STK32B: variants seen among roughly 807,000 people sequenced by gnomAD.
The protein encoded by STK32B is serine/threonine kinase 32B.
Under a neutral mutation model 52.6 loss-of-function variants are expected in STK32B, and 43 were observed. That is an observed-to-expected ratio of 0.82 (90% CI 0.64 to 1.05). STK32B has a LOEUF of 1.05. STK32B is among the 50% of genes least tolerant of loss of function. The pLI, the probability that STK32B is intolerant of heterozygous loss-of-function variation, is 0.00. For missense variants in STK32B, 621 were observed against 534.6 expected (o/e 1.16, Z -1.59); for synonymous variants, 238 against 204.3 (o/e 1.17, Z -1.41).
chr4:5,281,337 A>C (rs978295125), intron 3 of STK32B, among the ~76,000 whole-genome samples: 8 of 152,182 alleles, frequency 5.3e-5, no homozygotes, highest in African/African-American at 1.7e-4. Context: ...AAACTAACAC[A>C]GGAGCAGAAA....
At chr4:5,450,177 T>C (rs2109129250) in intron 7 of STK32B, among the ~76,000 whole-genome samples, 1 of 152,298 alleles carries the variant, frequency 6.6e-6, no homozygotes. Flanking sequence ...ACTAGAATCT[T>C]AGTTCTTACC....
At chr4:5,347,873 C>T (rs1733570361) in intron 4 of STK32B, among the ~76,000 whole-genome samples, 3 of 152,136 alleles carry the variant, frequency 2.0e-5, no homozygotes, top group Non-Finnish European at 2.9e-5. Context: ...CTAAGTCCTC[C>T]CCAGCCATGC....
intron 1 of STK32B, among the ~76,000 whole-genome samples, chr4:5,132,909 C>T (rs556181350): frequency 3.3e-5 from 5 of 151,788 alleles, no homozygotes; most frequent in Middle Eastern, 3.4e-3. Flanking sequence ...GGTGATTCTT[C>T]TGCCTCAGCC....
intron 11 of STK32B, among the ~76,000 whole-genome samples, chr4:5,486,758 T>C (rs1719253963): frequency 1.3e-5 from 2 of 152,222 alleles, no homozygotes; most frequent in South Asian, 2.1e-4. Flanking sequence ...CCCCCTAAAA[T>C]GTTTTATTTG....
At chr4:5,426,432 T>C (rs1713096562) in intron 6 of STK32B, among the ~76,000 whole-genome samples, 1 of 152,100 alleles carries the variant, frequency 6.6e-6, no homozygotes, top group African/African-American at 2.4e-5. Context: ...TGGCCGGGTG[T>C]GGTGGCTCAT....
chr4:5,131,766 T>C (rs1481782205), intron 1 of STK32B, among the ~76,000 whole-genome samples: 2 of 152,232 alleles, frequency 1.3e-5, no homozygotes, highest in African/African-American at 4.8e-5. Context: ...TTATCCTCTT[T>C]TTAGAAAGGC....
chr4:5,048,853 G>A (rs1169866676), upstream of STK32B, among the ~76,000 whole-genome samples: 1 of 152,242 alleles, frequency 6.6e-6, no homozygotes, highest in East Asian at 1.9e-4. Flanking sequence ...TTGCTGTGAG[G>A]ATGAGAAAAT....
chr4:5,049,336 A>G (rs1474036749), upstream of STK32B, among the ~76,000 whole-genome samples: 1 of 152,108 alleles, frequency 6.6e-6, no homozygotes, highest in Non-Finnish European at 1.5e-5. Context: ...AGCCGGGATT[A>G]CAGGTGGGTG....
chr4:5,136,709 C>A (rs1416865940), intron 1 of STK32B, among the ~76,000 whole-genome samples: 4 of 152,208 alleles, frequency 2.6e-5, no homozygotes, highest in Non-Finnish European at 5.9e-5. Flanking sequence ...TTCTAGGACC[C>A]ATTATTGGCT....
chr4:5,032,793 C>A, the STK32B span, among the ~76,000 whole-genome samples: 154 of 152,246 alleles, frequency 1.0e-3, no homozygotes, highest in African/African-American at 3.5e-3. Context: ...ACTAACTCCC[C>A]ACTCCTCGCT....
At chr4:5,365,864 A>G (rs1734841531) in intron 4 of STK32B, among the ~76,000 whole-genome samples, 1 of 152,182 alleles carries the variant, frequency 6.6e-6, no homozygotes, top group East Asian at 1.9e-4. Context: ...TGCTGTTAAC[A>G]ATCAGGCCGA....
chr4:5,115,908 T>C (rs1714689242), intron 1 of STK32B, among the ~76,000 whole-genome samples: 1 of 152,194 alleles, frequency 6.6e-6, no homozygotes, highest in Non-Finnish European at 1.5e-5. Context: ...CTTTCCGAGC[T>C]TCAGTCATCT....
At chr4:5,062,036 G>A (rs1201535809) in intron 1 of STK32B, among the ~76,000 whole-genome samples, 4 of 152,134 alleles carry the variant, frequency 2.6e-5, no homozygotes, top group Non-Finnish European at 5.9e-5. Flanking sequence ...TACTTAGCAG[G>A]AAGGTTGACC....
chr4:5,238,784 T>C (rs1724804879), intron 3 of STK32B, among the ~76,000 whole-genome samples: 1 of 152,184 alleles, frequency 6.6e-6, no homozygotes, highest in South Asian at 2.1e-4. Flanking sequence ...ACAATTGTGT[T>C]CTCAGAGTCC....
chr4:5,452,887 T>A (rs975279495), intron 7 of STK32B, among the ~76,000 whole-genome samples: 3 of 152,118 alleles, frequency 2.0e-5, no homozygotes, highest in Admixed American at 1.3e-4. Context: ...TACATGGAAT[T>A]ACTTTACCTT....
intron 7 of STK32B, among the ~76,000 whole-genome samples, chr4:5,448,456 C>T (rs964068035): frequency 2.0e-5 from 3 of 152,184 alleles, no homozygotes; most frequent in Admixed American, 6.5e-5. Context: ...CTTATGTAAT[C>T]AATCACAGCA....
chr4:5,343,904 T>C (rs1733271739), intron 4 of STK32B, among the ~76,000 whole-genome samples: 1 of 152,224 alleles, frequency 6.6e-6, no homozygotes, highest in Admixed American at 6.5e-5. Flanking sequence ...ATGTTAAAAA[T>C]TTCTCTTAAG....
At chr4:5,080,429 A>G (rs1354398644) in intron 1 of STK32B, among the ~76,000 whole-genome samples, 3 of 152,128 alleles carry the variant, frequency 2.0e-5, no homozygotes, top group Non-Finnish European at 4.4e-5. Flanking sequence ...GCTCTTTCCC[A>G]GATACTTGCA....
intron 3 of STK32B, among the ~76,000 whole-genome samples, chr4:5,243,123 T>C (rs1184560516): frequency 1.3e-5 from 2 of 152,170 alleles, no homozygotes; most frequent in Non-Finnish European, 2.9e-5. Flanking sequence ...AGAAAGTCGT[T>C]GGTAGCTTGA....
Sources: allele counts gnomAD v4.1 joint callset (sites outside exome capture counted in the v4.1 genomes callset), GRCh38; gene constraint gnomAD v4.1.1; transcripts MANE v1.5; gene names NCBI Gene and HGNC (gene_info 2026-07-23, HGNC 2026-07-21).